PTPRT: variants seen among roughly 807,000 people sequenced by gnomAD.
PTPRT encodes protein tyrosine phosphatase receptor type T.
In PTPRT, 56 loss-of-function variants were observed where a neutral mutation model predicts 176.8. The ratio of observed to expected loss-of-function variants is 0.32; its 90% confidence interval spans 0.26 to 0.40. PTPRT has a LOEUF of 0.40. PTPRT is among the 10% of genes least tolerant of loss of function. PTPRT has a pLI of 1.00. For synonymous variants in PTPRT, 783 were observed against 739.0 expected, an observed-to-expected ratio of 1.06 and a Z score of -0.96; for missense variants, 1,540 against 1,908.2, an observed-to-expected ratio of 0.81 and a Z score of 3.60.
chr20:42,116,008 T>C (rs1451721349), intron 21 of PTPRT: 3 of 717,380 alleles, frequency 4.2e-6, no homozygotes, highest in Non-Finnish European at 7.8e-6. Flanking sequence ...AGATCATGGT[T>C]TTCCCCTTAA....
chr20:42,495,821 T>C (rs2071643182), intron 7 of PTPRT, among the ~76,000 whole-genome samples: 1 of 152,132 alleles, frequency 6.6e-6, no homozygotes, highest in Non-Finnish European at 1.5e-5. Context: ...TAACATAGTA[T>C]TGACTGGCAG....
chr20:42,186,892 C>G (rs1486189266), intron 16 of PTPRT, among the ~76,000 whole-genome samples: 1 of 152,098 alleles, frequency 6.6e-6, no homozygotes, highest in African/African-American at 2.4e-5. Flanking sequence ...CTCATCAAAA[C>G]TTGGTGTTGA....
At chr20:42,123,639 C>T (rs1987701724) in intron 19 of PTPRT, among the ~76,000 whole-genome samples, 1 of 152,174 alleles carries the variant, frequency 6.6e-6, no homozygotes, top group South Asian at 2.1e-4. Context: ...ATTCTTTCAT[C>T]ATCCACTGGC....
Position 42,252,774 on chromosome 20 carries a change from G to T in PTPRT, c.2177-3952C>A, listed in dbSNP as rs1327839083. On this transcript the variant is annotated intron_variant, in intron 13 of 30. Coordinates refer to ENST00000373187, the MANE Select transcript of PTPRT (RefSeq NM_007050.6). ...CTTGAGGGCCACAGAAGAACATTCA[G>T]GGGATTCGGAGAGGCTGTCTGAAAG... is the stretch of plus-strand genomic sequence containing the variant. Among the ~76,000 whole-genome samples, 4 of 152,356 alleles carry T rather than the reference G, an allele frequency of 2.6e-5. No individual in the cohort carries two copies. In the East Asian group the frequency reaches 5.8e-4, roughly 22 times the overall value.
chr20:43,000,637 A>T (rs561546555), intron 1 of PTPRT, among the ~76,000 whole-genome samples: 2 of 152,234 alleles, frequency 1.3e-5, no homozygotes, highest in African/African-American at 4.8e-5. Flanking sequence ...TTATAAAAAA[A>T]TCAAAACTTG....
At position 42,678,000 on chromosome 20, in the gene PTPRT, A is replaced by G. The variant is rs774033275; in HGVS notation, c.1019T>C (p.Val340Ala). 1.2e-5 allele frequency: 20 copies of G among 1,614,140 alleles called. No individual in the cohort carries two copies. Among genetic ancestry groups the G allele is most frequent in the Middle Eastern group, 1.6e-4 (1 of 6,062 alleles). ...CCACAGCTTATAGTTGGGAGAGTCG[A>G]CTATGTGGGTCTCTGCCCACGTGCC... ...TTGTWAETHI[V>A]DSPNYKLWHL... Residue 340 changes from valine (V) to alanine (A), a missense_variant, in exon 7 of 31, where the codon GTC (valine) becomes GCC (alanine). By Grantham distance (64) the Val-to-Ala change is moderately conservative. Around this residue, in one of 11 missense-constraint regions of PTPRT, gnomAD observed 273 missense variants for 432.1 expected, o/e 0.63. Coordinates refer to ENST00000373187, the MANE Select transcript of PTPRT (RefSeq NM_007050.6).
intron 11 of PTPRT, among the ~76,000 whole-genome samples, chr20:42,340,998 G>C (rs113734616): frequency 7.2e-5 from 11 of 151,978 alleles, no homozygotes; most frequent in African/African-American, 2.7e-4. Context: ...CTGGCCTCGT[G>C]TTCCTTGCAA....
At chr20:42,407,862 A>G (rs1193505847) in intron 9 of PTPRT, among the ~76,000 whole-genome samples, 1 of 152,146 alleles carries the variant, frequency 6.6e-6, no homozygotes, top group Non-Finnish European at 1.5e-5. Flanking sequence ...CAATAATAAA[A>G]AAATCAGAAG....
intron 1 of PTPRT, among the ~76,000 whole-genome samples, chr20:43,138,443 C>T (rs1047370872): frequency 6.6e-6 from 1 of 152,218 alleles, no homozygotes; most frequent in African/African-American, 2.4e-5. Context: ...GCAGGCCACC[C>T]TGTCTCCATG....
chr20:42,568,203 G>T (rs1458480653), intron 7 of PTPRT, among the ~76,000 whole-genome samples: 3 of 152,052 alleles, frequency 2.0e-5, no homozygotes, highest in Admixed American at 6.5e-5. Context: ...TCCTGACCTT[G>T]TGATCTACCT....
intron 16 of PTPRT, among the ~76,000 whole-genome samples, chr20:42,164,783 C>T (rs930156764): frequency 6.6e-6 from 1 of 152,190 alleles, no homozygotes; most frequent in Non-Finnish European, 1.5e-5. Context: ...ATGTGCGATT[C>T]TGCTGCTAAT....
chr20:42,447,153 G>A (rs2145849428), intron 9 of PTPRT, among the ~76,000 whole-genome samples: 1 of 152,114 alleles, frequency 6.6e-6, no homozygotes, highest in South Asian at 2.1e-4. Flanking sequence ...CTTCCCCCAA[G>A]CCCACTCCCT....
chr20:42,483,384 G>A (rs1047728310), intron 7 of PTPRT, among the ~76,000 whole-genome samples: 13 of 152,112 alleles, frequency 8.5e-5, no homozygotes, highest in East Asian at 3.9e-4. Flanking sequence ...GGCTGGTCTC[G>A]AACTCCTGAA....
intron 27 of PTPRT, among the ~76,000 whole-genome samples, chr20:42,093,621 C>T (rs1448013571): frequency 6.6e-6 from 1 of 152,174 alleles, no homozygotes; most frequent in Non-Finnish European, 1.5e-5. Flanking sequence ...CAATCCCCAA[C>T]GTACGCTCTT....
intron 1 of PTPRT, among the ~76,000 whole-genome samples, chr20:43,173,582 A>G (rs1457298416): frequency 6.6e-6 from 1 of 152,244 alleles, no homozygotes; most frequent in African/African-American, 2.4e-5. Context: ...GTCCAGCCAG[A>G]AGTGTTTTCC....
intron 1 of PTPRT, among the ~76,000 whole-genome samples, chr20:43,105,414 T>C (rs1479690031): frequency 1.3e-5 from 2 of 152,166 alleles, no homozygotes; most frequent in East Asian, 1.9e-4. Context: ...CTCTTTTTTT[T>C]TTCTGAGACA....
At position 42,527,210 on chromosome 20, in the gene PTPRT, G is replaced by A. The variant is rs565622778; in HGVS notation, c.1154-54648C>T. ...TATCTCCTGACCTCGTGATCCGCCT[G>A]CCTCGGCCTCCCAAAGTGCTGGGAT... On this transcript the variant is annotated intron_variant, in intron 7 of 30. Transcript: ENST00000373187. 4.6e-3 allele frequency among the ~76,000 whole-genome samples: 698 copies of A among 152,052 alleles called. 4 individuals are homozygous for A. Among genetic ancestry groups the A allele is most frequent in the African/African-American group, 0.016 (666 of 41,480 alleles).
intron 1 of PTPRT, among the ~76,000 whole-genome samples, chr20:43,029,656 T>C (rs1026571223): frequency 6.6e-6 from 1 of 152,248 alleles, no homozygotes; most frequent in African/African-American, 2.4e-5. Context: ...CCATGTAATT[T>C]GGAGTGTTTC....
At position 42,734,413 on chromosome 20, in the gene PTPRT, T is replaced by C. The variant is rs1405998934; in HGVS notation, c.859+22049A>G. Among the ~76,000 whole-genome samples the C allele has an allele frequency of 2.6e-5, 4 of 152,176 alleles. No homozygotes were observed. In the East Asian group the frequency reaches 7.7e-4, roughly 29 times the overall value. ...AGAGTCTCCAATAGCATCATCCTTCTTATCCAAATCCAATAAAGCAATGCT... is the reference window on the plus strand; with the variant it reads ...AGAGTCTCCAATAGCATCATCCTTCCTATCCAAATCCAATAAAGCAATGCT... On this transcript the variant is annotated intron_variant, in intron 6 of 30. Coordinates refer to ENST00000373187, the MANE Select transcript of PTPRT (RefSeq NM_007050.6).
Sources: allele counts gnomAD v4.1 joint callset (sites outside exome capture counted in the v4.1 genomes callset), GRCh38; gene constraint gnomAD v4.1.1; regional missense constraint gnomAD v4.1.1; transcripts MANE v1.5; gene names NCBI Gene and HGNC (gene_info 2026-07-23, HGNC 2026-07-21).